The following TNFAIP8 variants were observed in gnomAD, a reference collection of about 807,000 sequenced individuals.
TNFAIP8 encodes the protein TNF alpha induced protein 8.
In TNFAIP8, 7 loss-of-function variants were observed where a neutral mutation model predicts 13.3. The ratio of observed to expected loss-of-function variants is 0.52; its 90% CI spans 0.30 to 0.99. The LOEUF is 0.99. Among genes scored for constraint, TNFAIP8 ranks in the 50% least tolerant of loss-of-function variants. The pLI, the probability that TNFAIP8 is intolerant of heterozygous loss-of-function variation, is 0.07. For synonymous variants in TNFAIP8, 94 were observed against 87.6 expected, an observed-to-expected ratio of 1.07 and a Z score of -0.41; for missense variants, 258 against 236.9, an observed-to-expected ratio of 1.09 and a Z score of -0.58.
chr5:119,370,544 A>G (rs576715922), intron 1 of TNFAIP8, among the ~76,000 whole-genome samples: 5 of 152,342 alleles, frequency 3.3e-5, no homozygotes, highest in Admixed American at 6.5e-5. Flanking sequence ...AAGGCAAGCT[A>G]TTAGTCAAAA....
At chr5:119,371,933 C>G (rs1425933385) in intron 1 of TNFAIP8, among the ~76,000 whole-genome samples, 1 of 151,602 alleles carries the variant, frequency 6.6e-6, no homozygotes, top group African/African-American at 2.4e-5. Flanking sequence ...GTCAGGAGAT[C>G]TAGACCATCC....
At chr5:119,323,660 G>A (rs2112692979) in intron 1 of TNFAIP8, among the ~76,000 whole-genome samples, 1 of 152,324 alleles carries the variant, frequency 6.6e-6, no homozygotes, top group South Asian at 2.1e-4. Context: ...ACTAAAAGAA[G>A]CATGTGGGCT....
chr5:119,373,819 A>T (rs149533965), intron 1 of TNFAIP8, among the ~76,000 whole-genome samples: 96 of 152,322 alleles, frequency 6.3e-4, no homozygotes, highest in African/African-American at 2.3e-3. Flanking sequence ...AGTCCTTGAC[A>T]TCATTCACAG....
chr5:119,343,220 G>A (rs1415716255), intron 1 of TNFAIP8, among the ~76,000 whole-genome samples: 1 of 152,166 alleles, frequency 6.6e-6, no homozygotes, highest in Non-Finnish European at 1.5e-5. Context: ...ACTTCTACCG[G>A]GGATGTTTGC....
chr5:119,343,337 C>T (rs1750802897), intron 1 of TNFAIP8, among the ~76,000 whole-genome samples: 1 of 152,238 alleles, frequency 6.6e-6, no homozygotes, highest in East Asian at 1.9e-4. Context: ...TTTCTTGGCT[C>T]CTTTTCTGAC....
Position 119,300,826 on chromosome 5 carries a change from C to T in TNFAIP8, c.1+31919C>T, listed in dbSNP as rs139358984. Among the ~76,000 whole-genome samples, 324 of 152,214 alleles carry T rather than the reference C, an allele frequency of 2.1e-3. 2 individuals are homozygous for T. Among genetic ancestry groups the T allele is most frequent in the South Asian group, 5.6e-3 (27 of 4,814 alleles). ...CTTTTCCCCACAAATTTCAGTTTAA[C>T]CTATGTGTTATGCTTTCTTTATGGA... On this transcript the variant is annotated intron_variant, in intron 1 of 1. Transcript: ENST00000274456.
intron 1 of TNFAIP8, among the ~76,000 whole-genome samples, chr5:119,276,684 C>G (rs1483056229): frequency 6.6e-6 from 1 of 152,158 alleles, no homozygotes; most frequent in Non-Finnish European, 1.5e-5. Context: ...ACCCTGGTGT[C>G]TCTCCCTCTT....
chr5:119,370,747 A>T (rs1752042384), intron 1 of TNFAIP8, among the ~76,000 whole-genome samples: 1 of 152,262 alleles, frequency 6.6e-6, no homozygotes, highest in Admixed American at 6.5e-5. Flanking sequence ...AATATTTCAC[A>T]TTCTTTACCC....
At chr5:119,370,723 T>A (rs997313454) in intron 1 of TNFAIP8, among the ~76,000 whole-genome samples, 1 of 152,202 alleles carries the variant, frequency 6.6e-6, no homozygotes, top group African/African-American at 2.4e-5. Flanking sequence ...CCTAATGATT[T>A]AAAAATATAT....
chr5:119,304,522 G>A (rs1047672166), intron 1 of TNFAIP8, among the ~76,000 whole-genome samples: 15 of 152,100 alleles, frequency 9.9e-5, no homozygotes, highest in African/African-American at 3.4e-4. Flanking sequence ...CCCCTTCCCT[G>A]ATACCATGCA....
intron 1 of TNFAIP8, among the ~76,000 whole-genome samples, chr5:119,287,728 T>G (rs1748848725): frequency 6.6e-6 from 1 of 152,210 alleles, no homozygotes; most frequent in South Asian, 2.1e-4. Context: ...AACGAATGAC[T>G]TCATTTTTAG....
At chr5:119,382,344 C>A (rs1461256963) in intron 1 of TNFAIP8, among the ~76,000 whole-genome samples, 1 of 152,158 alleles carries the variant, frequency 6.6e-6, no homozygotes, top group Non-Finnish European at 1.5e-5. Flanking sequence ...CCGGACCAGT[C>A]CCTGGGAGTC....
At chr5:119,294,061 T>C (rs754667476) in intron 1 of TNFAIP8, among the ~76,000 whole-genome samples, 33 of 152,156 alleles carry the variant, frequency 2.2e-4, no homozygotes, top group Non-Finnish European at 4.3e-4. Flanking sequence ...TAAATTTTAT[T>C]ATACTTTAAG....
At chr5:119,373,304 G>A (rs376759537) in intron 1 of TNFAIP8, among the ~76,000 whole-genome samples, 6 of 152,194 alleles carry the variant, frequency 3.9e-5, no homozygotes, top group African/African-American at 1.4e-4. Flanking sequence ...AGAGTGAAGA[G>A]ATGCAGATAT....
At chr5:119,276,211 G>A (rs1294072056) in intron 1 of TNFAIP8, among the ~76,000 whole-genome samples, 1 of 151,394 alleles carries the variant, frequency 6.6e-6, no homozygotes, top group Non-Finnish European at 1.5e-5. Context: ...TCTAACTCCC[G>A]GGTTCAAGCG....
At chr5:119,355,195 A>G, upstream of TNFAIP8, 1 of 671,194 alleles carries the variant, frequency 1.5e-6, no homozygotes, top group Non-Finnish European at 2.7e-6. Context: ...TCAAATCCTG[A>G]AAACCTCCCC....
chr5:119,302,936 A>G (rs1190342263), intron 1 of TNFAIP8, among the ~76,000 whole-genome samples: 2 of 152,216 alleles, frequency 1.3e-5, no homozygotes, highest in Non-Finnish European at 2.9e-5. Context: ...ATTGTTACGC[A>G]GTCAGCCATT....
intron 1 of TNFAIP8, among the ~76,000 whole-genome samples, chr5:119,358,622 T>C (rs1041794688): frequency 6.6e-6 from 1 of 152,152 alleles, no homozygotes; most frequent in Non-Finnish European, 1.5e-5. Flanking sequence ...AAAAGGTGAC[T>C]ACCATTAAAA....
chr5:119,269,601 G>A (rs969231230), intron 1 of TNFAIP8, among the ~76,000 whole-genome samples: 2 of 152,172 alleles, frequency 1.3e-5, no homozygotes, highest in African/African-American at 4.8e-5. Context: ...TAGGCACCTT[G>A]AATATGTTTA....
Sources: gnomAD v4.1 joint callset for allele counts (sites outside exome capture counted in the v4.1 genomes callset) on GRCh38, gnomAD v4.1.1 for gene constraint, MANE v1.5 for transcripts, NCBI Gene and HGNC (gene_info 2026-07-23, HGNC 2026-07-21) for gene names.